Variants in GIT2 observed in about 807,000 individuals in gnomAD.
The protein encoded by GIT2 is ARF GTPase-activating protein GIT2.
Under a neutral mutation model 100.3 loss-of-function variants are expected in GIT2, and 32 were observed. That is an observed-to-expected ratio of 0.32 (90% CI 0.24 to 0.43). The LOEUF (loss-of-function observed/expected upper bound fraction) is 0.43. Ranked by LOEUF, GIT2 falls within the 20% of genes least tolerant of loss-of-function variation. GIT2 has a pLI of 1.00. For missense variants in GIT2, 737 were observed against 975.1 expected (o/e 0.76, Z 3.25); for synonymous variants, 353 against 364.1 (o/e 0.97, Z 0.35).
chr12:109,933,119 C>T lies in GIT2; in HGVS notation c.2139G>A (p.Glu713=), dbSNP rs1871949735. ...GGTCCCCTGGGAGGGTCTTCTTGCA[C>T]TCTGACTGCAGTCGGTAGGCACTGG... ...LTSSAYRLQS[E]CKKTLPGDPG... is the part of the protein sequence containing the mutation. The change falls in exon 20 of 20, where the codon GAG becomes GAA. Residue 713 remains glutamate (E), a synonymous_variant. Transcript: ENST00000355312. The surrounding 1 kb of genome is among the most constrained non-coding windows in gnomAD (Gnocchi z 4.5). 6.2e-7 allele frequency: 1 copy of T among 1,611,156 alleles called. No homozygotes were observed. The highest frequency in any genetic ancestry group is 8.5e-7 in the Non-Finnish European group (1 of 1,178,312).
chr12:109,947,028 G>C lies in GIT2; in HGVS notation c.1641+228C>G, dbSNP rs1165272353. Among the ~76,000 whole-genome samples the C allele has an allele frequency of 6.6e-6, 1 of 152,196 alleles. No individual in the cohort carries two copies. The highest frequency in any genetic ancestry group is 1.5e-5 in the Non-Finnish European group (1 of 68,046). Reference sequence around the variant, plus strand: ...GGGGGAGAAAAAAGCAGCAGTTCGGGCAAGAGCCAGAATCCCCAACTTGGT... The same window carrying C: ...GGGGGAGAAAAAAGCAGCAGTTCGGCCAAGAGCCAGAATCCCCAACTTGGT... On this transcript the variant is annotated intron_variant, in intron 15 of 19. Coordinates refer to ENST00000355312, the MANE Select transcript of GIT2 (RefSeq NM_057169.5). This position sits in a 1 kb window ranked among gnomAD's most constrained non-coding sequence, Gnocchi z 4.3.
Position 109,961,308 on chromosome 12 carries a change from G to A in GIT2, c.957C>T (p.Val319=), listed in dbSNP as rs768314481. Residue 319 remains valine (V), a synonymous_variant, in exon 11 of 20, where the codon GTC becomes GTT. Coordinates refer to ENST00000355312, the MANE Select transcript of GIT2 (RefSeq NM_057169.5). The stretch of plus-strand genomic sequence containing the variant: ...TTCGTGTTGATGAGTACTCAGGATT[G>A]ACCGGAAGAAAGGGGACGACCGTTG... The part of the protein sequence containing the change: ...TETTVVPFLP[V]NPEYSSTRNQ... 3 of 1,612,500 alleles carry A rather than the reference G, an allele frequency of 1.9e-6. No individual in the cohort carries two copies. In the South Asian group the frequency reaches 3.3e-5, roughly 18 times the overall value.
At position 109,940,932 on chromosome 12, in the gene GIT2, A is replaced by AC. The variant is rs1214285405; in HGVS notation, c.1732-1686dup. On this transcript the variant is annotated intron_variant, in intron 16 of 19. Transcript: ENST00000355312. ...AAACCAAAAAGAAAAAAAAAAAAAA[A>AC]CCCCACAAAACTCTACATAAAGCCT... 2.7e-5 allele frequency among the ~76,000 whole-genome samples: 4 copies of AC among 148,180 alleles called. No individual in the cohort carries two copies. In the Middle Eastern group the frequency reaches 0.014, roughly 537 times the overall value.
chr12:109,952,220 C>T (rs1288944816), intron 13 of GIT2, among the ~76,000 whole-genome samples: 3 of 152,178 alleles, frequency 2.0e-5, no homozygotes, highest in African/African-American at 4.8e-5. Flanking sequence ...TCTATTCTAC[C>T]TTCCTATTCA....
rs1399150292 is a variant in GIT2, at chr12:109,989,784, T to C, written c.205A>G (p.Asn69Asp). The stretch of plus-strand genomic sequence containing the variant: ...TCCCATATAGAGTTAGCACCGTTAT[T>C]ATACAAGGTCTCAACCATCTAAAAC... The part of the protein sequence containing the change: ...TLLQMVETLY[N>D]NGANSIWEHS... The change falls in exon 3 of 20, where the codon AAT (asparagine) becomes GAT (aspartate). Residue 69 changes from asparagine to aspartate, a missense_variant. Physicochemically the swap from Asn to Asp is conservative, Grantham distance 23. This residue lies in a region of GIT2 where 266 missense variants were observed against 376.2 expected (regional missense o/e 0.71). Coordinates refer to ENST00000355312, the MANE Select transcript of GIT2 (RefSeq NM_057169.5). 3.8e-6 allele frequency: 6 copies of C among 1,595,600 alleles called. No individual in the cohort carries two copies. Among genetic ancestry groups the C allele is most frequent in the Non-Finnish European group, 5.2e-6 (6 of 1,163,448 alleles).
rs937112393 is a variant in GIT2 at position 109,942,485 on chromosome 12, C to T, written c.1731+2775G>A. ...AGTAGCTGGGACTACAGGCACCCAC[C>T]GCCACACCTGGCTAATTTTTTGTAT... On this transcript the variant is annotated intron_variant, in intron 16 of 19. Transcript: ENST00000355312. 4.6e-5 allele frequency among the ~76,000 whole-genome samples: 7 copies of T among 152,072 alleles called. No individual in the cohort carries two copies. The East Asian group carries it at 7.7e-4, about 17-fold the overall frequency.
At chr12:109,996,149 G>A (rs756643797) in intron 1 of GIT2, 24 bp downstream of exon 1, 81 of 1,467,588 alleles carry the variant, frequency 5.5e-5, no homozygotes, top group Middle Eastern at 5.3e-4. Context: ...GCAGAGGGGA[G>A]CGGGCCCGGC....
chr12:109,989,141 A>T (rs1258227408), intron 3 of GIT2, 73 bp from the exon 4 acceptor site: 2 of 925,304 alleles, frequency 2.2e-6, no homozygotes, highest in Non-Finnish European at 1.8e-6. Flanking sequence ...TACTGTAAAA[A>T]GAAGAGGAAG....
At chr12:109,981,268 A>G in intron 6 of GIT2, 1 of 440,842 alleles carries the variant, frequency 2.3e-6, no homozygotes, top group Non-Finnish European at 4.1e-6. Context: ...ATTAAGGCCA[A>G]AATAGAATAT....
At chr12:109,986,547 G>A (rs965179194) in intron 4 of GIT2, among the ~76,000 whole-genome samples, 2 of 152,044 alleles carry the variant, frequency 1.3e-5, no homozygotes, top group Non-Finnish European at 2.9e-5. Context: ...GGCGGATCAC[G>A]AGGTCAGGAA....
intron 4 of GIT2, among the ~76,000 whole-genome samples, chr12:109,987,397 A>T (rs1296012392): frequency 2.0e-5 from 3 of 149,940 alleles, no homozygotes; most frequent in African/African-American, 7.5e-5. Flanking sequence ...AATAAATAAA[A>T]ATAAATAAAT....
At chr12:109,943,797 TCCTC>T (rs1462103685) in intron 16 of GIT2, among the ~76,000 whole-genome samples, 1 of 151,696 alleles carries the variant, frequency 6.6e-6, no homozygotes, top group Non-Finnish European at 1.5e-5. Context: ...GCTCAAGTGA[TCCTC>T]CCATCTCAGC....
chr12:109,934,034 T>C lies in GIT2; in HGVS notation c.2055A>G (p.Ala685=). Residue 685 remains alanine (A), a synonymous_variant, in exon 19 of 20, where the codon GCA becomes GCG. Coordinates refer to ENST00000355312, the MANE Select transcript of GIT2 (RefSeq NM_057169.5). This position sits in a 1 kb window ranked among gnomAD's most constrained non-coding sequence, Gnocchi z 4.5. Reference sequence around the variant, plus strand: ...GGAAGTGACTTACTTTGGGGAATAATGCTGCCATTTCTGTAACAGCTACGT... The same window carrying C: ...GGAAGTGACTTACTTTGGGGAATAACGCTGCCATTTCTGTAACAGCTACGT... ...RIHVAVTEMA[A]LFPKKPKSDM... 1 of 1,558,776 alleles carries C rather than the reference T, an allele frequency of 6.4e-7. No individual in the cohort carries two copies. The highest frequency in any genetic ancestry group is 1.7e-5 in the Admixed American group (1 of 59,964).
chr12:109,955,487 G>C (rs747853373), intron 12 of GIT2, among the ~76,000 whole-genome samples: 1 of 152,026 alleles, frequency 6.6e-6, no homozygotes, highest in Non-Finnish European at 1.5e-5. Context: ...AGTGCTTCTG[G>C]GGTTATCAAC....
At chr12:109,997,041 C>T (rs1889534686), upstream of GIT2, among the ~76,000 whole-genome samples, 1 of 151,854 alleles carries the variant, frequency 6.6e-6, no homozygotes, top group Admixed American at 6.6e-5. Context: ...GAAACCCCGT[C>T]TCTACTAAAA....
At chr12:109,943,678 T>C (rs1003940704) in intron 16 of GIT2, among the ~76,000 whole-genome samples, 5 of 150,906 alleles carry the variant, frequency 3.3e-5, no homozygotes, top group Non-Finnish European at 7.4e-5. Flanking sequence ...TTTTTTTTTT[T>C]AGTACAGTAA....
chr12:109,934,149 A>C lies in GIT2; in HGVS notation c.2004-64T>G. ...AATGATTCGGAGGCAAAGAGGACTC[A>C]AGTGCTAGAACAGATTCTGTTTACA... On this transcript the variant is annotated intron_variant, in intron 18 of 19. Coordinates refer to ENST00000355312, the MANE Select transcript of GIT2 (RefSeq NM_057169.5). The surrounding 1 kb of genome is among the most constrained non-coding windows in gnomAD (Gnocchi z 4.5). The C allele has an allele frequency of 6.8e-6, 6 of 886,128 alleles. No individual in the cohort carries two copies. The highest frequency in any genetic ancestry group is 1.2e-5 in the Non-Finnish European group (6 of 516,944). 54.9% of individuals were successfully genotyped at this position (886,128 alleles called of 1,614,324 possible). A position where few individuals can be genotyped will look rare whatever the true frequency, so the allele number is the denominator to read the frequency against.
Position 109,947,925 on chromosome 12 carries a change from A to G in GIT2, c.1393-421T>C, listed in dbSNP as rs1383464781. 1 of 170,668 alleles carries G rather than the reference A, an allele frequency of 5.9e-6. No individual in the cohort carries two copies. Among genetic ancestry groups the G allele is most frequent in the African/African-American group, 2.4e-5 (1 of 41,760 alleles). 10.6% of individuals were successfully genotyped at this position (170,668 alleles called of 1,614,324 possible). ...TTCAAATGAGCCCTGAGCAATTTGT[A>G]AAGGCCAAAAATGACAGCAGACACC... On this transcript the variant is annotated intron_variant, in intron 14 of 19. Transcript: ENST00000355312. The surrounding 1 kb of genome is among the most constrained non-coding windows in gnomAD (Gnocchi z 4.3).
chr12:109,955,235 T>C (rs1179984048), intron 12 of GIT2, among the ~76,000 whole-genome samples: 1 of 152,130 alleles, frequency 6.6e-6, no homozygotes, highest in Non-Finnish European at 1.5e-5. Context: ...GCCATTCTCC[T>C]GCCTCAGCCT....
Sources: gnomAD v4.1 joint callset for allele counts (sites outside exome capture counted in the v4.1 genomes callset) on GRCh38, gnomAD v4.1.1 for gene constraint, gnomAD v4.1.1 regional missense constraint, Gnocchi (gnomAD v3.1) non-coding constraint, MANE v1.5 for transcripts, NCBI Gene and HGNC (gene_info 2026-07-23, HGNC 2026-07-21) for gene names.